The following MEGF10 variants were observed in gnomAD, a reference collection of about 807,000 sequenced individuals.
The protein encoded by MEGF10 is multiple EGF like domains 10.
Under a neutral mutation model 147.5 loss-of-function variants are expected in MEGF10, and 86 were observed. That is an observed-to-expected ratio of 0.58 (90% confidence interval 0.49 to 0.70). MEGF10 has a LOEUF of 0.70. Among genes scored for constraint, MEGF10 ranks in the 30% least tolerant of loss-of-function variants. MEGF10 has a pLI of 0.00. For synonymous variants in MEGF10, 478 were observed against 525.5 expected (o/e 0.91, Z 1.24); for missense variants, 1,329 against 1,487.3 (o/e 0.89, Z 1.75).
At chr5:127,434,562 G>GT in intron 14 of MEGF10, 125 bp from the exon 15 acceptor site, 2 of 1,041,544 alleles carry the variant, frequency 1.9e-6, no homozygotes, top group Non-Finnish European at 2.6e-6. Flanking sequence ...AAAATTCTCC[G>GT]TATCTTTTTT....
rs140160439 is a variant in MEGF10, at chr5:127,350,293, C to G, written c.319+9663C>G. ...CCCACCTTTCAGCCTGCCCAAGGCT[C>G]CAGATAGTTCTCTAATTTAGAATTT... On this transcript the variant is annotated intron_variant, in intron 4 of 24. Coordinates refer to ENST00000503335, the MANE Select transcript of MEGF10 (RefSeq NM_001256545.2). 3.4e-3 allele frequency among the ~76,000 whole-genome samples: 521 copies of G among 152,250 alleles called. 2 individuals are homozygous for G. The Middle Eastern group carries it at 0.061, about 18-fold the overall frequency.
intron 22 of MEGF10, among the ~76,000 whole-genome samples, chr5:127,450,448 A>G (rs754361319): frequency 7.9e-5 from 12 of 152,332 alleles, no homozygotes; most frequent in Admixed American, 7.8e-4. Context: ...GTGATATACC[A>G]TTAATTATGC....
chr5:127,331,494 A>G (rs998148452), intron 2 of MEGF10, 70 bp downstream of exon 2: 10 of 829,250 alleles, frequency 1.2e-5, no homozygotes, highest in African/African-American at 1.7e-5. Context: ...ATTATCAGTC[A>G]GATGTATAAA....
intron 17 of MEGF10, 101 bp from the exon 18 acceptor site, chr5:127,440,638 A>T: frequency 8.2e-7 from 1 of 1,221,852 alleles, no homozygotes; most frequent in Non-Finnish European, 1.2e-6. Context: ...CTGATGGCTC[A>T]GTGTCATTCA....
intron 1 of MEGF10, among the ~76,000 whole-genome samples, chr5:127,325,740 C>T (rs924512122): frequency 6.6e-6 from 1 of 151,220 alleles, no homozygotes; most frequent in African/African-American, 2.4e-5. Context: ...CATTAGTAAA[C>T]TTCACTTCAT....
chr5:127,415,007 T>G (rs939508886), intron 9 of MEGF10, among the ~76,000 whole-genome samples: 11 of 151,464 alleles, frequency 7.3e-5, no homozygotes, highest in African/African-American at 2.4e-4. Context: ...TGGAGAGAGA[T>G]AGGCAGAGAG....
the MEGF10 span, among the ~76,000 whole-genome samples, chr5:127,262,797 A>G: frequency 2.6e-5 from 4 of 152,046 alleles, no homozygotes; most frequent in African/African-American, 9.7e-5. Context: ...TTTGTTCTCT[A>G]TCTCTATCTC....
chr5:127,434,153 T>G (rs956654589), intron 14 of MEGF10, among the ~76,000 whole-genome samples: 6 of 152,244 alleles, frequency 3.9e-5, no homozygotes, highest in African/African-American at 1.4e-4. Context: ...TAAATCTGAA[T>G]AGTATCTTGG....
chr5:127,381,822 C>A (rs1477488333), intron 5 of MEGF10, among the ~76,000 whole-genome samples: 6 of 152,150 alleles, frequency 3.9e-5, no homozygotes, highest in Non-Finnish European at 7.3e-5. Flanking sequence ...AGGAGCCCAC[C>A]ACCATGCTCA....
rs759681334 is a variant in MEGF10 at position 127,435,469 on chromosome 5, T to C, written c.2084T>C (p.Ile695Thr). 1.2e-6 allele frequency: 2 copies of C among 1,614,002 alleles called. No individual in the cohort carries two copies. The highest frequency in any genetic ancestry group is 1.3e-5 in the African/African-American group (1 of 75,046). The change falls in exon 16 of 25, where the codon ATT (isoleucine) becomes ACT (threonine). Residue 695 changes from isoleucine (I) to threonine (T), a missense_variant. This residue lies in a region of MEGF10 where 980 missense variants were observed against 1,085.9 expected (regional missense o/e 0.90). Transcript: ENST00000503335. ...TCTTGTCAGTGTTACCCCGGTTGGATTGGCAGTGACTGCTCTCAACGTAAG... is the reference window on the plus strand; with the variant it reads ...TCTTGTCAGTGTTACCCCGGTTGGACTGGCAGTGACTGCTCTCAACGTAAG... ...DRSCQCYPGWIGSDCSQPCPP... is the reference protein window; with the variant it reads ...DRSCQCYPGWTGSDCSQPCPP...
intron 1 of MEGF10, among the ~76,000 whole-genome samples, chr5:127,309,401 G>A (rs773444103): frequency 6.6e-6 from 1 of 152,038 alleles, no homozygotes; most frequent in Non-Finnish European, 1.5e-5. Flanking sequence ...ACTTTTTCAT[G>A]ATCCCAAATT....
At chr5:127,443,743 C>G (rs1486555348) in intron 19 of MEGF10, among the ~76,000 whole-genome samples, 1 of 152,112 alleles carries the variant, frequency 6.6e-6, no homozygotes, top group Non-Finnish European at 1.5e-5. Context: ...GAAATGGAAC[C>G]ATGTTGTAGC....
intron 1 of MEGF10, among the ~76,000 whole-genome samples, chr5:127,324,997 A>G (rs563817411): frequency 9.9e-5 from 15 of 152,242 alleles, no homozygotes; most frequent in Non-Finnish European, 1.8e-4. Flanking sequence ...GCCTGTTCGT[A>G]TATCTGCTCT....
chr5:127,344,634 C>T (rs989378006), intron 4 of MEGF10, among the ~76,000 whole-genome samples: 1 of 151,876 alleles, frequency 6.6e-6, no homozygotes, highest in East Asian at 1.9e-4. Context: ...ATAAAACATA[C>T]GTATTAAATA....
intron 5 of MEGF10, among the ~76,000 whole-genome samples, chr5:127,392,049 A>C (rs1763719906): frequency 6.6e-6 from 1 of 152,196 alleles, no homozygotes; most frequent in Non-Finnish European, 1.5e-5. Flanking sequence ...AGTGAATGCC[A>C]TGGAAAATAG....
intron 1 of MEGF10, among the ~76,000 whole-genome samples, chr5:127,319,250 AT>A (rs1760698679): frequency 6.6e-6 from 1 of 151,826 alleles, no homozygotes; most frequent in African/African-American, 2.4e-5. Flanking sequence ...TAATTTTTGT[AT>A]TTTTAGTAGA....
rs575378539 is a variant in MEGF10, at chr5:127,414,036, G to T, written c.1130+3435G>T. ...TTTACAATATGTTAAGATAAGGTAGGCTACTTAAACCAATCTATCACTTGA... is the reference window on the plus strand; with the variant it reads ...TTTACAATATGTTAAGATAAGGTAGTCTACTTAAACCAATCTATCACTTGA... On this transcript the variant is annotated intron_variant, in intron 9 of 24. Transcript: ENST00000503335. Among the ~76,000 whole-genome samples, 25 of 152,220 alleles carry T rather than the reference G, an allele frequency of 1.6e-4. No individual in the cohort carries two copies. In the South Asian group the frequency reaches 5.2e-3, roughly 32 times the overall value.
chr5:127,387,676 C>T (rs1029808601), intron 5 of MEGF10, among the ~76,000 whole-genome samples: 2 of 152,154 alleles, frequency 1.3e-5, no homozygotes, highest in Non-Finnish European at 2.9e-5. Context: ...ACTCAAACGC[C>T]AAGTGGCTTT....
At chr5:127,369,703 G>A (rs189009472) in intron 4 of MEGF10, among the ~76,000 whole-genome samples, 4 of 152,224 alleles carry the variant, frequency 2.6e-5, no homozygotes, top group Admixed American at 2.6e-4. Flanking sequence ...AGAAATGATG[G>A]GATTTATTTG....
Sources: allele counts gnomAD v4.1 joint callset (sites outside exome capture counted in the v4.1 genomes callset), GRCh38; gene constraint gnomAD v4.1.1; regional missense constraint gnomAD v4.1.1; transcripts MANE v1.5; gene names NCBI Gene and HGNC (gene_info 2026-07-23, HGNC 2026-07-21).